Variants in CTDSPL observed in about 807,000 individuals in gnomAD.
CTDSPL encodes the protein CTD small phosphatase-like protein.
In CTDSPL, 8 loss-of-function variants were observed where a neutral mutation model predicts 30.5. That is an observed-to-expected ratio of 0.26 (90% CI 0.15 to 0.47). The LOEUF (loss-of-function observed/expected upper bound fraction) is 0.47. Among genes scored for constraint, CTDSPL ranks in the 20% least tolerant of loss-of-function variants. The probability of loss-of-function intolerance (pLI) is 0.99; values close to 1 mark genes in which losing one functional copy is unlikely to be tolerated. For synonymous variants in CTDSPL, 110 were observed against 137.9 expected, an observed-to-expected ratio of 0.80 and a Z score of 1.42; for missense variants, 248 against 366.1, an observed-to-expected ratio of 0.68 and a Z score of 2.63.
Position 37,981,743 on chromosome 3 carries a change from T to A in CTDSPL, c.*876T>A. On this transcript the variant is annotated 3_prime_UTR_variant, in exon 8 of 8. Transcript: ENST00000273179. ...GTGTTTTTTGTTGTTATTGTTTGGG[T>A]AGAGCAGTTACAAGAAACCCTAAAA... 1 of 444,306 alleles carries A rather than the reference T, an allele frequency of 2.3e-6. No individual in the cohort carries two copies. Among genetic ancestry groups the A allele is most frequent in the South Asian group, 1.6e-5 (1 of 63,182 alleles). 27.5% of individuals were successfully genotyped at this position (444,306 alleles called of 1,614,324 possible).
At chr3:37,889,750 G>A (rs1477589836) in intron 1 of CTDSPL, among the ~76,000 whole-genome samples, 1 of 152,134 alleles carries the variant, frequency 6.6e-6, no homozygotes, top group African/African-American at 2.4e-5. Flanking sequence ...AAAAGCTTTT[G>A]GAGGGGGAAA....
intron 1 of CTDSPL, among the ~76,000 whole-genome samples, chr3:37,913,429 A>G (rs528425572): frequency 4.4e-4 from 67 of 152,342 alleles, no homozygotes; most frequent in African/African-American, 1.5e-3. Flanking sequence ...CATGACCTCT[A>G]TATTCAGGCT....
At chr3:37,902,900 T>A (rs1292552106) in intron 1 of CTDSPL, among the ~76,000 whole-genome samples, 1 of 151,994 alleles carries the variant, frequency 6.6e-6, no homozygotes, top group Admixed American at 6.6e-5. Context: ...ACTCAGAGAG[T>A]TTCAGATGCA....
At chr3:37,912,180 C>A (rs1296590042) in intron 1 of CTDSPL, among the ~76,000 whole-genome samples, 1 of 152,230 alleles carries the variant, frequency 6.6e-6, no homozygotes, top group Non-Finnish European at 1.5e-5. Flanking sequence ...CCTCCTTTCA[C>A]AGCCCCGCAA....
At chr3:37,960,507 T>A (rs1322813904) in intron 3 of CTDSPL, among the ~76,000 whole-genome samples, 1,451 of 22,532 alleles carry the variant, frequency 0.064, 62 homozygotes, top group African/African-American at 0.083. Flanking sequence ...AAAAAAAAAA[T>A]ATATATATAT....
chr3:37,915,269 C>T (rs951066740), intron 1 of CTDSPL, among the ~76,000 whole-genome samples: 2 of 152,062 alleles, frequency 1.3e-5, no homozygotes, highest in Non-Finnish European at 2.9e-5. Context: ...GAGCAGTTTA[C>T]TATGATTTGC....
rs116399051 is a variant in CTDSPL, at chr3:37,930,467, T to C, written c.80-16590T>C. Among the ~76,000 whole-genome samples, 937 of 152,038 alleles carry C rather than the reference T, an allele frequency of 6.2e-3. 8 individuals carry two copies. Among genetic ancestry groups the C allele is most frequent in the East Asian group, 0.014 (75 of 5,176 alleles). ...TTTTTCTTTATTATTATGATTATTATTACTACTACTACTACTATTATTATT... is the reference window on the plus strand; with the variant it reads ...TTTTTCTTTATTATTATGATTATTACTACTACTACTACTACTATTATTATT... On this transcript the variant is annotated intron_variant, in intron 1 of 7. Coordinates refer to ENST00000273179, the MANE Select transcript of CTDSPL (RefSeq NM_001008392.2).
Position 37,967,885 on chromosome 3 carries a change from A to G in CTDSPL, c.426+3A>G. 4.4e-6 allele frequency: 7 copies of G among 1,583,484 alleles called. No individual in the cohort carries two copies. The highest frequency in any genetic ancestry group is 6.0e-6 in the Non-Finnish European group (7 of 1,167,478). ...AAATCGATGGAACTATACATCAGGTAAGAAACTGAAGCTAAATTTGAGTTT... is the reference window on the plus strand; with the variant it reads ...AAATCGATGGAACTATACATCAGGTGAGAAACTGAAGCTAAATTTGAGTTT... On this transcript the variant is annotated splice_donor_region_variant and intron_variant, in intron 5 of 7. Transcript: ENST00000273179.
intron 1 of CTDSPL, among the ~76,000 whole-genome samples, chr3:37,894,641 T>G (rs1189318211): frequency 6.6e-6 from 1 of 152,196 alleles, no homozygotes; most frequent in African/African-American, 2.4e-5. Context: ...AAAAAATATG[T>G]TTTTTCTGTC....
At chr3:37,902,223 T>A (rs755169088) in intron 1 of CTDSPL, among the ~76,000 whole-genome samples, 29 of 152,220 alleles carry the variant, frequency 1.9e-4, no homozygotes, top group Admixed American at 3.3e-4. Flanking sequence ...AGAGTGCGTG[T>A]TTGATGGGTC....
In CTDSPL at chr3:37,880,129, A is replaced by T. The variant is rs763945339; in HGVS notation, c.79+17851A>T. Among the ~76,000 whole-genome samples the T allele has an allele frequency of 3.4e-5, 5 of 147,660 alleles. No homozygotes were observed. In the East Asian group the frequency reaches 5.8e-4, roughly 17 times the overall value. On this transcript the variant is annotated intron_variant, in intron 1 of 7. Coordinates refer to ENST00000273179, the MANE Select transcript of CTDSPL (RefSeq NM_001008392.2). Reference sequence around the variant, plus strand: ...TACCAAGTAATATTATATATATATAAAAATAAGATATATATATATATATCT... The same window carrying T: ...TACCAAGTAATATTATATATATATATAAATAAGATATATATATATATATCT...
chr3:37,947,575 AAAAG>A (rs1275425092), intron 2 of CTDSPL, among the ~76,000 whole-genome samples: 1 of 152,210 alleles, frequency 6.6e-6, no homozygotes, highest in Non-Finnish European at 1.5e-5. Flanking sequence ...ACAAAAAACA[AAAAG>A]AAAAGAATAT....
At chr3:37,951,613 C>G (rs543533517) in intron 2 of CTDSPL, among the ~76,000 whole-genome samples, 1 of 151,432 alleles carries the variant, frequency 6.6e-6, no homozygotes, top group Non-Finnish European at 1.5e-5. Context: ...CCCAGGAGGT[C>G]GAGGCTGCAG....
chr3:37,975,695 C>T lies in CTDSPL; in HGVS notation c.520-14C>T, dbSNP rs1328910714. 2 of 1,589,784 alleles carry T rather than the reference C, an allele frequency of 1.3e-6. No individual in the cohort carries two copies. On this transcript the variant is annotated splice_polypyrimidine_tract_variant and intron_variant, in intron 6 of 7. Transcript: ENST00000273179. The surrounding 1 kb of genome is among the most constrained non-coding windows in gnomAD (Gnocchi z 4.9). ...TTTAAACACCCAGCCTTCATTGTGA[C>T]ACGTCTTTTCCAGTATGCAGACCCT...
intron 7 of CTDSPL, among the ~76,000 whole-genome samples, chr3:37,978,148 A>G (rs1407087729): frequency 2.0e-5 from 3 of 152,134 alleles, no homozygotes; most frequent in South Asian, 2.1e-4. Flanking sequence ...GGCAATTTCT[A>G]TTTTCAGACT....
chr3:37,939,466 A>T (rs1698953367), intron 1 of CTDSPL, among the ~76,000 whole-genome samples: 1 of 150,408 alleles, frequency 6.6e-6, no homozygotes, highest in South Asian at 2.2e-4. Flanking sequence ...TTAAATGGCA[A>T]CCTGTGTAAT....
intron 5 of CTDSPL, among the ~76,000 whole-genome samples, chr3:37,970,145 C>T (rs2125633140): frequency 6.6e-6 from 1 of 152,348 alleles, no homozygotes; most frequent in Non-Finnish European, 1.5e-5. Context: ...CTCAAGTATT[C>T]TCAGGCCTCG....
chr3:37,934,931 G>C (rs944644891), intron 1 of CTDSPL, among the ~76,000 whole-genome samples: 2 of 151,856 alleles, frequency 1.3e-5, no homozygotes, highest in Non-Finnish European at 2.9e-5. Context: ...GATAGGTAAG[G>C]TCCCTGTACC....
Position 37,982,332 on chromosome 3 carries a change from A to G in CTDSPL, c.*1465A>G, listed in dbSNP as rs79391721. ...CAGGGAGAGCCCAGGCTCTCTTTGC[A>G]GCCTTTCCCAGTTTGGTGTTTAAGC... is the stretch of plus-strand genomic sequence containing the variant. On this transcript the variant is annotated 3_prime_UTR_variant, in exon 8 of 8. Coordinates refer to ENST00000273179, the MANE Select transcript of CTDSPL (RefSeq NM_001008392.2). 2.0e-3 allele frequency: 701 copies of G among 346,158 alleles called. 3 individuals are homozygous for G. Among genetic ancestry groups the G allele is most frequent in the African/African-American group, 0.014 (670 of 46,688 alleles). 21.4% of individuals were successfully genotyped at this position (346,158 alleles called of 1,614,324 possible). A position where few individuals can be genotyped will look rare whatever the true frequency, so the allele number is the denominator to read the frequency against.
Sources: allele counts gnomAD v4.1 joint callset (sites outside exome capture counted in the v4.1 genomes callset), GRCh38; gene constraint gnomAD v4.1.1; non-coding constraint Gnocchi (gnomAD v3.1); transcripts MANE v1.5; gene names NCBI Gene and HGNC (gene_info 2026-07-23, HGNC 2026-07-21).